The following CNTN2 variants were observed in gnomAD, a reference collection of about 807,000 sequenced individuals.
CNTN2 encodes contactin-2.
Under a neutral mutation model 117.5 loss-of-function variants are expected in CNTN2, and 53 were observed. The ratio of observed to expected loss-of-function variants is 0.45; its 90% CI spans 0.36 to 0.57. CNTN2 has a LOEUF of 0.57. CNTN2 is among the 20% of genes least tolerant of loss of function. CNTN2 has a pLI of 0.00. For missense variants in CNTN2, 1,106 were observed against 1,404.3 expected (o/e 0.79, Z 3.39); for synonymous variants, 530 against 561.7 (o/e 0.94, Z 0.80).
In CNTN2 at chr1:205,058,524, C is replaced by T. The variant is rs1162976317; in HGVS notation, c.392-44C>T. On this transcript the variant is annotated intron_variant, in intron 4 of 22. Transcript: ENST00000331830. The surrounding 1 kb of genome is among the most constrained non-coding windows in gnomAD (Gnocchi z 4.3). ...GAAGGATGAGTCGGGGAGGGGCTCG[C>T]AGGCCAGGAGGACAGTGCCTGAGCC... The T allele has an allele frequency of 6.3e-7, 1 of 1,595,936 alleles. No individual in the cohort carries two copies. Among genetic ancestry groups the T allele is most frequent in the African/African-American group, 1.3e-5 (1 of 74,700 alleles).
rs200435390 is a variant in CNTN2 at position 205,053,158 on chromosome 1, G to C, written c.-28G>C. The C allele has an allele frequency of 1.1e-5, 17 of 1,598,820 alleles. No homozygotes were observed. The highest frequency in any genetic ancestry group is 1.5e-5 in the Non-Finnish European group (17 of 1,170,732). ...AGCTGAGCTGAGGCTCTTCTCCTCC[G>C]ATCCCCACCTCTGCCCGGACATCCA... On this transcript the variant is annotated 5_prime_UTR_variant, in exon 2 of 23. Coordinates refer to ENST00000331830, the MANE Select transcript of CNTN2 (RefSeq NM_005076.5).
chr1:205,053,979 A>T (rs2096457052), intron 2 of CNTN2, among the ~76,000 whole-genome samples: 1 of 152,164 alleles, frequency 6.6e-6, no homozygotes, highest in South Asian at 2.1e-4. Context: ...TGAAGAGGGC[A>T]GGCCGAGAGC....
At chr1:205,064,798 A>T (rs1259095805) in intron 12 of CNTN2, 48 bp downstream of exon 12, 7 of 1,605,558 alleles carry the variant, frequency 4.4e-6, no homozygotes, top group Non-Finnish European at 6.0e-6. Flanking sequence ...TCCTCAGGGT[A>T]CTGTCCTCCC....
Position 205,065,798 on chromosome 1 carries a change from A to T in CNTN2, c.1705A>T (p.Ile569Phe). The T allele has an allele frequency of 3.4e-6, 5 of 1,450,192 alleles. No individual in the cohort carries two copies. Among genetic ancestry groups the T allele is most frequent in the Non-Finnish European group, 4.7e-6 (5 of 1,059,830 alleles). 89.8% of individuals were successfully genotyped at this position (1,450,192 alleles called of 1,614,324 possible). A position where few individuals can be genotyped will look rare whatever the true frequency, so the allele number is the denominator to read the frequency against. Residue 569 changes from isoleucine (I) to phenylalanine (F), a missense_variant, in exon 14 of 23, where the codon ATT becomes TTT. Coordinates refer to ENST00000331830, the MANE Select transcript of CNTN2 (RefSeq NM_005076.5). The surrounding 1 kb of genome is among the most constrained non-coding windows in gnomAD (Gnocchi z 4.1). ...HYRRTNVKET[I>F]GDLTILNAQL... ...CTGTCCCCGTGTGCAGAAGGAGACC[A>T]TTGGGGATCTGACCATCCTGAACGC...
At position 205,065,195 on chromosome 1, in the gene CNTN2, C is replaced by A; in HGVS notation, c.1628C>A (p.Thr543Asn). 1 of 1,614,182 alleles carries A rather than the reference C, an allele frequency of 6.2e-7. No homozygotes were observed. Among genetic ancestry groups the A allele is most frequent in the Non-Finnish European group, 8.5e-7 (1 of 1,180,034 alleles). ...SHDPTMDLTF[T>N]WTLDDFPIDF... is the part of the protein sequence containing the mutation. ...GACCCCACCATGGACCTCACCTTCA[C>A]CTGGACCCTGGACGACTTCCCCATC... Residue 543 changes from threonine (T) to asparagine (N), a missense_variant, in exon 13 of 23, where the codon ACC becomes AAC. Physicochemically the swap from Thr to Asn is moderately conservative, Grantham distance 65. Coordinates refer to ENST00000331830, the MANE Select transcript of CNTN2 (RefSeq NM_005076.5). This position sits in a 1 kb window ranked among gnomAD's most constrained non-coding sequence, Gnocchi z 4.1.
chr1:205,069,603 C>T lies in CNTN2; in HGVS notation c.2196+42C>T, dbSNP rs2305275. 0.69 allele frequency: 1,095,714 copies of T among 1,592,694 alleles called. 380,267 individuals are homozygous for T. Among genetic ancestry groups the T allele is most frequent in the Non-Finnish European group, 0.71 (835,222 of 1,169,954 alleles). ...AGATGTCCTCCTCCTCCTCCCTGACCCCTCTCCCGCTTGAGCAGCTGCAGA... is the reference window on the plus strand; with the variant it reads ...AGATGTCCTCCTCCTCCTCCCTGACTCCTCTCCCGCTTGAGCAGCTGCAGA... On this transcript the variant is annotated intron_variant, in intron 17 of 22. Transcript: ENST00000331830.
In CNTN2 at chr1:205,059,272, C is replaced by G; in HGVS notation, c.676C>G (p.Gln226Glu). 6.2e-7 allele frequency: 1 copy of G among 1,613,948 alleles called. No homozygotes were observed. The highest frequency in any genetic ancestry group is 8.5e-7 in the Non-Finnish European group (1 of 1,179,958). The change falls in exon 6 of 23, where the codon CAG becomes GAG. Residue 226 changes from glutamine (Q) to glutamate (E), a missense_variant. Transcript: ENST00000331830. This position sits in a 1 kb window ranked among gnomAD's most constrained non-coding sequence, Gnocchi z 5.6. ...CAAGAGCGTCTTCAGCAAGTTTGCT[C>G]AGCTCAACCTGGCTGCTGAAGGTCA... ...STKSVFSKFA[Q>E]LNLAAEDTRL...
intron 21 of CNTN2, 189 bp from the exon 22 acceptor site, chr1:205,072,879 G>A (rs755184516): frequency 3.0e-5 from 20 of 666,288 alleles, no homozygotes; most frequent in African/African-American, 1.5e-4. Context: ...AGGAGTCTAC[G>A]GAAACAGTTC....
At chr1:205,067,278 TATC>T in intron 16 of CNTN2, 28 bp downstream of exon 16, 2 of 1,602,416 alleles carry the variant, frequency 1.2e-6, no homozygotes, top group Non-Finnish European at 1.7e-6. Context: ...CCCAAAAAGC[TATC>T]ATCAGGGCAG....
In CNTN2 at chr1:205,048,444, C is replaced by G. The variant is rs1230603242; in HGVS notation, c.-86-4656C>G. ...TGGTGCCCCCGAACCCCCCAGTGGTCCACTCCCCCATGTGCTGGTGCCTTG... is the reference window on the plus strand; with the variant it reads ...TGGTGCCCCCGAACCCCCCAGTGGTGCACTCCCCCATGTGCTGGTGCCTTG... On this transcript the variant is annotated intron_variant, in intron 1 of 22. Transcript: ENST00000331830. This position sits in a 1 kb window ranked among gnomAD's most constrained non-coding sequence, Gnocchi z 4.1. Among the ~76,000 whole-genome samples, 1 of 152,052 alleles carries G rather than the reference C, an allele frequency of 6.6e-6. No homozygotes were observed. The highest frequency in any genetic ancestry group is 1.5e-5 in the Non-Finnish European group (1 of 68,008).
In CNTN2 at chr1:205,058,392, G is replaced by T. The variant is rs928334647; in HGVS notation, c.391+36G>T. ...CGGGGGACCAAGACACTTTGGGGGA[G>T]GGGGAGAGGGGGCTAGGAGAAATTA... On this transcript the variant is annotated intron_variant, in intron 4 of 22. Coordinates refer to ENST00000331830, the MANE Select transcript of CNTN2 (RefSeq NM_005076.5). The surrounding 1 kb of genome is among the most constrained non-coding windows in gnomAD (Gnocchi z 4.3). 3.3e-6 allele frequency: 5 copies of T among 1,532,666 alleles called. No homozygotes were observed. The highest frequency in any genetic ancestry group is 1.4e-5 in the African/African-American group (1 of 72,736). 94.9% of individuals were successfully genotyped at this position (1,532,666 alleles called of 1,614,324 possible).
Position 205,074,025 on chromosome 1 carries a change from T to C in CNTN2, c.*260T>C. On this transcript the variant is annotated 3_prime_UTR_variant, in exon 23 of 23. Coordinates refer to ENST00000331830, the MANE Select transcript of CNTN2 (RefSeq NM_005076.5). ...GACACTGACGCCTATACCTGAGCTC[T>C]AGGCTGCCTGGAGGGAAGGAACAGG... The C allele has an allele frequency of 1.7e-6, 1 of 587,758 alleles. No homozygotes were observed. Among genetic ancestry groups the C allele is most frequent in the Non-Finnish European group, 3.0e-6 (1 of 330,672 alleles). 36.4% of individuals were successfully genotyped at this position (587,758 alleles called of 1,614,324 possible).
At chr1:205,072,158 G>T in intron 20 of CNTN2, 25 bp downstream of exon 20, 1 of 1,584,248 alleles carries the variant, frequency 6.3e-7, no homozygotes. Flanking sequence ...CTGGGGTGGG[G>T]GTAGGGCAAT....
intron 19 of CNTN2, among the ~76,000 whole-genome samples, chr1:205,071,201 G>A (rs1376605301): frequency 6.6e-6 from 1 of 152,172 alleles, no homozygotes; most frequent in Non-Finnish European, 1.5e-5. Flanking sequence ...AAAACAGCCT[G>A]AGCCGCTCTA....
chr1:205,046,496 C>G (rs558367942), intron 1 of CNTN2, among the ~76,000 whole-genome samples: 1 of 152,300 alleles, frequency 6.6e-6, no homozygotes, highest in Admixed American at 6.5e-5. Flanking sequence ...GGAGGGCAGC[C>G]TTCCTGCAGT....
rs1376197561 is a variant in CNTN2, at chr1:205,074,990, G to C, written c.*1225G>C. On this transcript the variant is annotated 3_prime_UTR_variant, in exon 23 of 23. Transcript: ENST00000331830. ...GTATACTACCAGTCACAGAACGTCA[G>C]AGCTGGAAGAAGCCTTAGAGCTCAA... 7.5e-6 allele frequency: 3 copies of C among 398,062 alleles called. No individual in the cohort carries two copies. Among genetic ancestry groups the C allele is most frequent in the African/African-American group, 6.2e-5 (3 of 48,626 alleles). The allele number at this position is 398,062 out of a possible 1,614,324, so 24.7% of individuals were successfully genotyped here. A position where few individuals can be genotyped will look rare whatever the true frequency, so the allele number is the denominator to read the frequency against.
At chr1:205,045,931 C>A (rs1376618960) in intron 1 of CNTN2, among the ~76,000 whole-genome samples, 2 of 152,198 alleles carry the variant, frequency 1.3e-5, no homozygotes, top group Non-Finnish European at 2.9e-5. Context: ...TTTCTTCCAA[C>A]TTCTAGTAAT....
Position 205,066,437 on chromosome 1 carries a change from G to A in CNTN2, c.1817-4G>A. 6.2e-7 allele frequency: 1 copy of A among 1,613,448 alleles called. No individual in the cohort carries two copies. Reference sequence around the variant, plus strand: ...ACCCACTGTGCTCTGACCTCTTGGTGCAGGTCCGCCAGGTCCCCCAGGAGG... The same window carrying A: ...ACCCACTGTGCTCTGACCTCTTGGTACAGGTCCGCCAGGTCCCCCAGGAGG... On this transcript the variant is annotated splice_region_variant and splice_polypyrimidine_tract_variant and intron_variant, in intron 14 of 22. Coordinates refer to ENST00000331830, the MANE Select transcript of CNTN2 (RefSeq NM_005076.5).
In CNTN2 at chr1:205,073,750, C is replaced by T. The variant is rs770764291; in HGVS notation, c.3108C>T (p.Gly1036=). 8 of 1,613,732 alleles carry T rather than the reference C, an allele frequency of 5.0e-6. No homozygotes were observed. In the South Asian group the frequency reaches 8.8e-5, roughly 18 times the overall value. The change falls in exon 23 of 23, where the codon GGC becomes GGT. Residue 1036 remains glycine, a synonymous_variant. Transcript: ENST00000331830. The surrounding 1 kb of genome is among the most constrained non-coding windows in gnomAD (Gnocchi z 6.3). ...CCGTGGCGATGCTGATCCTCATAGG[C>T]TCCCTGGAGCTCTGATCCTGGAACC... ...SHSVAMLILI[G]SLEL is the part of the protein sequence containing the mutation.
Sources: gnomAD v4.1 joint callset for allele counts (sites outside exome capture counted in the v4.1 genomes callset) on GRCh38, gnomAD v4.1.1 for gene constraint, Gnocchi (gnomAD v3.1) non-coding constraint, MANE v1.5 for transcripts, NCBI Gene and HGNC (gene_info 2026-07-23, HGNC 2026-07-21) for gene names.